The following NME7 variants were observed in gnomAD, a reference collection of about 807,000 sequenced individuals.
The protein encoded by NME7 is nucleoside diphosphate kinase 7.
NME7 carries 41 observed loss-of-function variants against 49.1 expected under a neutral mutation model. That is an observed-to-expected ratio of 0.83 (90% CI 0.65 to 1.08). The LOEUF (loss-of-function observed/expected upper bound fraction) is 1.08, where lower values mean the gene tolerates loss of function less well. Ranked by LOEUF, NME7 falls within the 50% of genes least tolerant of loss-of-function variation. The probability of loss-of-function intolerance (pLI) is 0.00; values close to 1 mark genes in which losing one functional copy is unlikely to be tolerated. For synonymous variants in NME7, 139 were observed against 150.6 expected (o/e 0.92, Z 0.56); for missense variants, 423 against 463.4 (o/e 0.91, Z 0.80).
At chr1:169,223,690 G>A (rs1276680079) in intron 10 of NME7, among the ~76,000 whole-genome samples, 3 of 151,924 alleles carry the variant, frequency 2.0e-5, no homozygotes, top group East Asian at 1.9e-4. Flanking sequence ...TCTTCATTTC[G>A]TAGAGTGAAG....
intron 7 of NME7, chr1:169,246,865 C>A (rs1366329831): frequency 2.8e-6 from 1 of 359,772 alleles, no homozygotes; most frequent in East Asian, 7.5e-5. Flanking sequence ...AGGCATAAGC[C>A]ACTGCATCTG....
intron 3 of NME7, among the ~76,000 whole-genome samples, chr1:169,319,269 A>G (rs184885106): frequency 1.3e-5 from 2 of 152,176 alleles, no homozygotes; most frequent in Admixed American, 6.5e-5. Flanking sequence ...CTTCACATAG[A>G]AAAAACGTAT....
intron 11 of NME7, among the ~76,000 whole-genome samples, chr1:169,163,882 G>A (rs980842350): frequency 3.3e-5 from 5 of 152,054 alleles, no homozygotes; most frequent in South Asian, 2.1e-4. Flanking sequence ...AAGCCAAGGC[G>A]GGCAGATCAC....
intron 1 of NME7, among the ~76,000 whole-genome samples, chr1:169,343,865 T>C (rs1012111479): frequency 6.6e-6 from 1 of 152,196 alleles, no homozygotes; most frequent in Non-Finnish European, 1.5e-5. Flanking sequence ...CCAGTTTTGT[T>C]GTTCTTGTTT....
intron 10 of NME7, among the ~76,000 whole-genome samples, chr1:169,209,705 C>CA (rs1454510534): frequency 2.6e-5 from 4 of 151,988 alleles, no homozygotes; most frequent in Admixed American, 6.6e-5. Context: ...CTGTTGCACT[C>CA]AGAGTAAATA....
intron 7 of NME7, chr1:169,285,586 C>T (rs1463257138): frequency 1.3e-5 from 2 of 152,114 alleles, no homozygotes; most frequent in Non-Finnish European, 2.9e-5. Flanking sequence ...GGTTTGCATC[C>T]TCAATTTCCA....
intron 10 of NME7, among the ~76,000 whole-genome samples, chr1:169,214,986 T>C (rs1660935547): frequency 6.6e-6 from 1 of 152,260 alleles, no homozygotes; most frequent in Non-Finnish European, 1.5e-5. Context: ...GTGACAGCCT[T>C]TTTGGGTATT....
chr1:169,343,449 A>G (rs1286490819), intron 1 of NME7, among the ~76,000 whole-genome samples: 1 of 151,222 alleles, frequency 6.6e-6, no homozygotes, highest in Non-Finnish European at 1.5e-5. Flanking sequence ...ATTCTGTTCC[A>G]CTAATCTATA....
intron 6 of NME7, among the ~76,000 whole-genome samples, chr1:169,296,389 C>T (rs1650706778): frequency 6.6e-6 from 1 of 152,128 alleles, no homozygotes; most frequent in Admixed American, 6.6e-5. Flanking sequence ...CACTTGGCCT[C>T]CAGGACATAA....
intron 9 of NME7, among the ~76,000 whole-genome samples, chr1:169,231,252 TA>T (rs1647606236): frequency 6.6e-6 from 1 of 152,128 alleles, no homozygotes; most frequent in African/African-American, 2.4e-5. Context: ...ATTAAACATC[TA>T]GAAACTAGAT....
chr1:169,345,460 G>C (rs977784807), intron 1 of NME7, among the ~76,000 whole-genome samples: 4 of 150,324 alleles, frequency 2.7e-5, no homozygotes, highest in African/African-American at 9.8e-5. Flanking sequence ...TCAAACTCCT[G>C]GCCTCAAGTG....
intron 10 of NME7, among the ~76,000 whole-genome samples, chr1:169,227,190 C>G (rs1291628328): frequency 1.3e-5 from 2 of 152,120 alleles, no homozygotes; most frequent in South Asian, 4.1e-4. Context: ...CTGCTCACTC[C>G]CCAGCTCCTC....
intron 10 of NME7, among the ~76,000 whole-genome samples, chr1:169,171,464 A>G (rs1026789981): frequency 7.9e-5 from 12 of 152,180 alleles, no homozygotes; most frequent in African/African-American, 2.9e-4. Flanking sequence ...TGAAATCTGA[A>G]GAGGTTCATG....
intron 10 of NME7, among the ~76,000 whole-genome samples, chr1:169,217,828 T>G (rs1661014142): frequency 1.3e-5 from 2 of 152,324 alleles, no homozygotes; most frequent in East Asian, 3.9e-4. Context: ...CACTGTTTAC[T>G]TCCTCACCTG....
intron 7 of NME7, among the ~76,000 whole-genome samples, chr1:169,267,113 A>T (rs1222141968): frequency 7.5e-6 from 1 of 133,286 alleles, no homozygotes; most frequent in Non-Finnish European, 1.8e-5. Context: ...AATCAGTAGC[A>T]TTCTTACACA....
At chr1:169,319,096 T>C (rs1453012232) in intron 3 of NME7, among the ~76,000 whole-genome samples, 1 of 151,874 alleles carries the variant, frequency 6.6e-6, no homozygotes, top group Non-Finnish European at 1.5e-5. Flanking sequence ...AATTAAAATG[T>C]CTTTTAAGTC....
intron 1 of NME7, among the ~76,000 whole-genome samples, chr1:169,348,873 A>T (rs1653047702): frequency 7.0e-6 from 1 of 141,850 alleles, no homozygotes; most frequent in Non-Finnish European, 1.5e-5. Flanking sequence ...ATAGCTACAT[A>T]AAAGCAAAAG....
At chr1:169,349,006 A>G (rs1413611424) in intron 1 of NME7, among the ~76,000 whole-genome samples, 2 of 151,764 alleles carry the variant, frequency 1.3e-5, no homozygotes, top group African/African-American at 2.4e-5. Context: ...TCTAGCGTAT[A>G]ATCTTGGGTA....
rs1571418904 is a variant in NME7 at position 169,357,321 on chromosome 1, T to G, written c.3+10387A>C. ...ATCTTTGTATCTCATATATATAGCA[T>G]GTTGCAAGAACCCAAAAGTGGGCAG... On this transcript the variant is annotated intron_variant, in intron 1 of 11. Transcript: ENST00000367811. Among the ~76,000 whole-genome samples the G allele has an allele frequency of 2.0e-5, 3 of 152,152 alleles. No individual in the cohort carries two copies. In the South Asian group the frequency reaches 6.2e-4, roughly 32 times the overall value.
Sources: gnomAD v4.1 joint callset for allele counts (sites outside exome capture counted in the v4.1 genomes callset) on GRCh38, gnomAD v4.1.1 for gene constraint, MANE v1.5 for transcripts, NCBI Gene and HGNC (gene_info 2026-07-23, HGNC 2026-07-21) for gene names.